Variants in ADGRG5 observed in about 807,000 individuals in gnomAD.
ADGRG5 encodes adhesion G protein-coupled receptor G5, also known as G protein-coupled receptor 114.
A neutral mutation model predicts 53.2 loss-of-function variants in ADGRG5; 37 were observed. That is an observed-to-expected ratio of 0.70 (90% CI 0.53 to 0.91). The LOEUF is 0.91. Among genes scored for constraint, ADGRG5 ranks in the 40% least tolerant of loss-of-function variants. The probability of loss-of-function intolerance (pLI) is 0.00; values close to 1 mark genes in which losing one functional copy is unlikely to be tolerated. For synonymous variants in ADGRG5, 277 were observed against 290.4 expected, an observed-to-expected ratio of 0.95 and a Z score of 0.47; for missense variants, 614 against 675.8, an observed-to-expected ratio of 0.91 and a Z score of 1.01.
At chr16:57,542,597 A>G (rs1296589358), upstream of ADGRG5, 3 of 152,350 alleles carry the variant, frequency 2.0e-5, no homozygotes, top group South Asian at 2.1e-4. Flanking sequence ...GTGTGGGGCA[A>G]AGGGAGAGGC....
At chr16:57,552,732 G>A (rs1032753290) in intron 1 of ADGRG5, among the ~76,000 whole-genome samples, 1 of 152,148 alleles carries the variant, frequency 6.6e-6, no homozygotes, top group African/African-American at 2.4e-5. Context: ...CTTTTCCTTT[G>A]CATTCATAAC....
chr16:57,548,486 T>G (rs915105645), intron 1 of ADGRG5, among the ~76,000 whole-genome samples: 3 of 152,138 alleles, frequency 2.0e-5, no homozygotes, highest in Non-Finnish European at 2.9e-5. Flanking sequence ...GCCAAATGGT[T>G]TTCCTTGCAA....
chr16:57,553,104 C>G (rs139513801), intron 1 of ADGRG5, among the ~76,000 whole-genome samples: 1 of 152,150 alleles, frequency 6.6e-6, no homozygotes, highest in South Asian at 2.1e-4. Flanking sequence ...CAGATCACCA[C>G]AGCAGGTATA....
At position 57,574,567 on chromosome 16, in the gene ADGRG5, C is replaced by T. The variant is rs1234156794; in HGVS notation, c.1209-248C>T. On this transcript the variant is annotated intron_variant, in intron 10 of 11. Coordinates refer to ENST00000349457, the MANE Select transcript of ADGRG5 (RefSeq NM_001304376.3). This position sits in a 1 kb window ranked among gnomAD's most constrained non-coding sequence, Gnocchi z 4.4. The stretch of plus-strand genomic sequence containing the variant: ...TTTCAGGGGGGTGAAGACATGGGGA[C>T]GTGAGAGAAACCACTGTGGCTGGAA... Among the ~76,000 whole-genome samples, 6 of 152,276 alleles carry T rather than the reference C, an allele frequency of 3.9e-5. No individual in the cohort carries two copies. Among genetic ancestry groups the T allele is most frequent in the African/African-American group, 7.2e-5 (3 of 41,566 alleles).
At chr16:57,536,940 C>T in the ADGRG5 span, among the ~76,000 whole-genome samples, 2 of 152,178 alleles carry the variant, frequency 1.3e-5, no homozygotes, top group Non-Finnish European at 2.9e-5. Context: ...GCGAGCTTAC[C>T]AAGTCTTCAC....
chr16:57,531,119 C>T, the ADGRG5 span, among the ~76,000 whole-genome samples: 1 of 152,068 alleles, frequency 6.6e-6, no homozygotes, highest in Non-Finnish European at 1.5e-5. Flanking sequence ...GTCCCCAACT[C>T]CAAGTCCCTC....
the ADGRG5 span, among the ~76,000 whole-genome samples, chr16:57,535,970 C>G: frequency 6.6e-6 from 1 of 152,190 alleles, no homozygotes; most frequent in African/African-American, 2.4e-5. Context: ...CGACCCCTCC[C>G]AAGCCGCTGG....
chr16:57,573,485 G>C (rs1469955615), intron 10 of ADGRG5, among the ~76,000 whole-genome samples: 1 of 150,634 alleles, frequency 6.6e-6, no homozygotes, highest in Non-Finnish European at 1.5e-5. Context: ...GAAAAGCAGA[G>C]ATTGATTGAA....
chr16:57,554,283 A>T (rs7198685), intron 1 of ADGRG5, among the ~76,000 whole-genome samples: 5,046 of 151,830 alleles, frequency 0.033, 261 homozygotes, highest in African/African-American at 0.11. Flanking sequence ...CTAGAGACTT[A>T]TCAATATTAT....
At chr16:57,555,257 C>CCATA (rs1219081895) in intron 1 of ADGRG5, among the ~76,000 whole-genome samples, 2 of 152,118 alleles carry the variant, frequency 1.3e-5, no homozygotes, top group Non-Finnish European at 1.5e-5. Flanking sequence ...ATTGTAGTTC[C>CCATA]CATAATCTCC....
At chr16:57,549,976 C>T (rs913416986) in intron 1 of ADGRG5, among the ~76,000 whole-genome samples, 10 of 131,770 alleles carry the variant, frequency 7.6e-5, no homozygotes, top group Admixed American at 4.0e-4. Flanking sequence ...TTATTTGCAT[C>T]TATACATTTT....
In ADGRG5 at chr16:57,563,192, G is replaced by T. The variant is rs772520279; in HGVS notation, c.242G>T (p.Ser81Ile). 3.1e-6 allele frequency: 5 copies of T among 1,614,068 alleles called. No homozygotes were observed. The highest frequency in any genetic ancestry group is 4.2e-6 in the Non-Finnish European group (5 of 1,180,028). The change falls in exon 4 of 12, where the codon AGC (serine) becomes ATC (isoleucine). Residue 81 changes from serine (S) to isoleucine (I), a missense_variant. Ser to Ile is a moderately radical substitution (Grantham distance 142). Coordinates refer to ENST00000349457, the MANE Select transcript of ADGRG5 (RefSeq NM_001304376.3). ...ATCCAGTCTCTGGCCTTCAAGCTGA[G>T]CTGTGACTTCTCTGGCCTCTCGCTG... ...PTIQSLAFKL[S>I]CDFSGLSLTS...
At position 57,570,486 on chromosome 16, in the gene ADGRG5, C is replaced by T. The variant is rs570975200; in HGVS notation, c.1159C>T (p.Pro387Ser). 22 of 1,613,640 alleles carry T rather than the reference C, an allele frequency of 1.4e-5. 1 individual carries two copies. In the South Asian group the frequency reaches 2.3e-4, roughly 17 times the overall value. Residue 387 changes from proline to serine, a missense_variant, in exon 10 of 12, where the codon CCC becomes TCC. Pro to Ser is a moderately conservative substitution (Grantham distance 74). Transcript: ENST00000349457. ...KSSVYGPCTI[P>S]VFDSWENGTG... ...CTCGGTATACGGACCCTGCACAATC[C>T]CCGTCTTCGACAGCTGGGAGAATGG...
upstream of ADGRG5, among the ~76,000 whole-genome samples, chr16:57,537,926 G>T (rs1237527921): frequency 6.6e-6 from 1 of 152,170 alleles, no homozygotes; most frequent in Non-Finnish European, 1.5e-5. Context: ...TACAGCTGAG[G>T]AAATGAAGGC....
chr16:57,561,328 C>T (rs1479122836), intron 1 of ADGRG5, among the ~76,000 whole-genome samples: 1 of 152,176 alleles, frequency 6.6e-6, no homozygotes, highest in Non-Finnish European at 1.5e-5. Context: ...TCCCATTGTT[C>T]TGTCTTTGTG....
upstream of ADGRG5, among the ~76,000 whole-genome samples, chr16:57,538,682 C>G (rs1451172528): frequency 6.6e-6 from 1 of 152,220 alleles, no homozygotes. Flanking sequence ...GGCAGGGTTT[C>G]TCTCTGGCAG....
chr16:57,537,902 G>A (rs1005069567), upstream of ADGRG5, among the ~76,000 whole-genome samples: 1 of 151,888 alleles, frequency 6.6e-6, no homozygotes, highest in South Asian at 2.1e-4. Context: ...CAGAGGACAA[G>A]GGCATCCACA....
At chr16:57,543,410 G>A (rs549075438) in intron 1 of ADGRG5, among the ~76,000 whole-genome samples, 3 of 150,690 alleles carry the variant, frequency 2.0e-5, no homozygotes, top group South Asian at 2.1e-4. Context: ...AGCCTCCTGA[G>A]TAGCTGGGAT....
At position 57,567,641 on chromosome 16, in the gene ADGRG5, G is replaced by A. The variant is rs935536809; in HGVS notation, c.821+50G>A. On this transcript the variant is annotated intron_variant, in intron 8 of 11. Coordinates refer to ENST00000349457, the MANE Select transcript of ADGRG5 (RefSeq NM_001304376.3). ...CCTGCCCTGCACTGTGGCACATCAC[G>A]CTTCCTTGTGTCCCATTTAGTCCAC... is the stretch of plus-strand genomic sequence containing the variant. 20 of 1,591,784 alleles carry A rather than the reference G, an allele frequency of 1.3e-5. No homozygotes were observed. The Middle Eastern group carries it at 5.0e-4, about 40-fold the overall frequency.
Sources: gnomAD v4.1 joint callset for allele counts (sites outside exome capture counted in the v4.1 genomes callset) on GRCh38, gnomAD v4.1.1 for gene constraint, Gnocchi (gnomAD v3.1) non-coding constraint, MANE v1.5 for transcripts, NCBI Gene and HGNC (gene_info 2026-07-23, HGNC 2026-07-21) for gene names.